BMPR2: variants seen among roughly 807,000 people sequenced by gnomAD.
BMPR2 encodes the protein bone morphogenetic protein receptor type-2.
A neutral mutation model predicts 100.8 loss-of-function variants in BMPR2; 29 were observed. That is an observed-to-expected ratio of 0.29 (90% confidence interval 0.21 to 0.39). The LOEUF is 0.39. Ranked by LOEUF, BMPR2 falls within the 10% of genes least tolerant of loss-of-function variation. The pLI, the probability that BMPR2 is intolerant of heterozygous loss-of-function variation, is 1.00. For synonymous variants in BMPR2, 382 were observed against 442.3 expected, an observed-to-expected ratio of 0.86 and a Z score of 1.71; for missense variants, 1,011 against 1,274.5, an observed-to-expected ratio of 0.79 and a Z score of 3.15.
rs1468219652 is a variant in BMPR2, at chr2:202,484,987, AAG to A, written c.418+17300_418+17301del. Among the ~76,000 whole-genome samples, 832 of 147,014 alleles carry A rather than the reference AAG, an allele frequency of 5.7e-3. 7 individuals are homozygous for A. The highest frequency in any genetic ancestry group is 0.021 in the Middle Eastern group (6 of 282). On this transcript the variant is annotated intron_variant, in intron 3 of 12. Transcript: ENST00000374580. The stretch of plus-strand genomic sequence containing the variant: ...CCGTCTCAAAAAAAAAAAAAAAAAA[AAG>A]AAAGAAAGAAGAAAAAAAATAGAGA...
In BMPR2 at chr2:202,556,405, G is replaced by C. The variant is rs775200134; in HGVS notation, c.2740G>C (p.Asp914His). ...NNNSNPCSEQ[D>H]VLAQGVPSTA... ...CAACAGCAATCCATGTTCAGAACAAGATGTTCTTGCACAGGGTGTTCCAAG... is the reference window on the plus strand; with the variant it reads ...CAACAGCAATCCATGTTCAGAACAACATGTTCTTGCACAGGGTGTTCCAAG... The change falls in exon 12 of 13, where the codon GAT becomes CAT. Residue 914 changes from aspartate to histidine, a missense_variant. Coordinates refer to ENST00000374580, the MANE Select transcript of BMPR2 (RefSeq NM_001204.7). 1 of 1,614,072 alleles carries C rather than the reference G, an allele frequency of 6.2e-7. No homozygotes were observed. The highest frequency in any genetic ancestry group is 8.5e-7 in the Non-Finnish European group (1 of 1,180,052).
At chr2:202,481,771 T>G (rs1202667336) in intron 3 of BMPR2, among the ~76,000 whole-genome samples, 1 of 152,176 alleles carries the variant, frequency 6.6e-6, no homozygotes, top group Non-Finnish European at 1.5e-5. Flanking sequence ...GTGTTTTCTG[T>G]CTTAGTCAAG....
chr2:202,565,380 T>C lies in BMPR2; in HGVS notation c.*5434T>C, dbSNP rs1688743884. The C allele has an allele frequency of 2.6e-5, 4 of 152,274 alleles. No homozygotes were observed. Among genetic ancestry groups the C allele is most frequent in the Admixed American group, 1.3e-4 (2 of 15,280 alleles). The allele number at this position is 152,274 out of a possible 1,614,324, so 9.4% of individuals were successfully genotyped here. On this transcript the variant is annotated 3_prime_UTR_variant, in exon 13 of 13. Transcript: ENST00000374580. ...AATTATATTTTCTTTTATATTCAAA[T>C]TCATTACTCCAGTTAAGTAATAGTT...
chr2:202,466,880 G>A (rs1198997591), intron 2 of BMPR2, among the ~76,000 whole-genome samples: 2 of 152,134 alleles, frequency 1.3e-5, no homozygotes, highest in Admixed American at 6.6e-5. Context: ...TTCTAGGCGT[G>A]AGCCACCGTG....
intron 3 of BMPR2, among the ~76,000 whole-genome samples, chr2:202,477,975 C>T (rs999891253): frequency 1.3e-5 from 2 of 152,084 alleles, no homozygotes; most frequent in Non-Finnish European, 1.5e-5. Flanking sequence ...TTTGTAACCC[C>T]AAAACCAATA....
In BMPR2 at chr2:202,555,572, A is replaced by G; in HGVS notation, c.1907A>G (p.Asp636Gly). 2 of 1,614,182 alleles carry G rather than the reference A, an allele frequency of 1.2e-6. No homozygotes were observed. Among genetic ancestry groups the G allele is most frequent in the Non-Finnish European group, 1.7e-6 (2 of 1,180,036 alleles). Residue 636 changes from aspartate (D) to glycine (G), a missense_variant, in exon 12 of 13, where the codon GAT (aspartate) becomes GGT (glycine). This residue lies in a region of BMPR2 where 508 missense variants were observed against 552.0 expected (regional missense o/e 0.92). Coordinates refer to ENST00000374580, the MANE Select transcript of BMPR2 (RefSeq NM_001204.7). Reference sequence around the variant, plus strand: ...ACTATATCTGAGATGCCATACCCAGATGAAACAAATCTGCATACCACAAAT... The same window carrying G: ...ACTATATCTGAGATGCCATACCCAGGTGAAACAAATCTGCATACCACAAAT... ...MTTISEMPYP[D>G]ETNLHTTNVA...
intron 1 of BMPR2, among the ~76,000 whole-genome samples, chr2:202,458,942 G>T (rs1020080591): frequency 6.6e-6 from 1 of 152,108 alleles, no homozygotes; most frequent in African/African-American, 2.4e-5. Flanking sequence ...GCAATATCTT[G>T]AAGACAGAAA....
intron 9 of BMPR2, among the ~76,000 whole-genome samples, chr2:202,535,344 C>G (rs1436973643): frequency 6.7e-6 from 1 of 149,620 alleles, no homozygotes; most frequent in Admixed American, 6.6e-5. Flanking sequence ...GGTTGCCAGG[C>G]AGAGGGTCTC....
At chr2:202,405,277 A>G (rs918391156) in intron 1 of BMPR2, among the ~76,000 whole-genome samples, 1 of 152,146 alleles carries the variant, frequency 6.6e-6, no homozygotes, top group Non-Finnish European at 1.5e-5. Context: ...TTCCTCTGCT[A>G]TCTTATTTTT....
At chr2:202,471,947 G>GATTT (rs1692447310) in intron 3 of BMPR2, among the ~76,000 whole-genome samples, 1 of 151,242 alleles carries the variant, frequency 6.6e-6, no homozygotes, top group South Asian at 2.1e-4. Flanking sequence ...TGTAGAAAGA[G>GATTT]GTAATAAAAG....
intron 1 of BMPR2, among the ~76,000 whole-genome samples, chr2:202,403,688 C>G (rs900874365): frequency 6.6e-6 from 1 of 152,072 alleles, no homozygotes; most frequent in Non-Finnish European, 1.5e-5. Flanking sequence ...GAACATTTTA[C>G]TTTATGTGGA....
Position 202,518,841 on chromosome 2 carries a change from A to T in BMPR2, c.641A>T (p.Tyr214Phe), listed in dbSNP as rs774243835. 7 of 1,614,106 alleles carry T rather than the reference A, an allele frequency of 4.3e-6. No individual in the cohort carries two copies. The South Asian group carries it at 7.7e-5, about 18-fold the overall frequency. ...KLLELIGRGR[Y>F]GAVYKGSLDE... is the part of the protein sequence containing the mutation. ...TTGCAGCTGATTGGCCGAGGTCGATATGGAGCAGTATATAAAGGCTCCTTG... is the reference window on the plus strand; with the variant it reads ...TTGCAGCTGATTGGCCGAGGTCGATTTGGAGCAGTATATAAAGGCTCCTTG... The change falls in exon 6 of 13, where the codon TAT (tyrosine) becomes TTT (phenylalanine). Residue 214 changes from tyrosine to phenylalanine, a missense_variant. By Grantham distance (22) the Tyr-to-Phe change is conservative. Transcript: ENST00000374580.
chr2:202,476,845 A>G (rs757797822), intron 3 of BMPR2, among the ~76,000 whole-genome samples: 7 of 151,956 alleles, frequency 4.6e-5, no homozygotes, highest in African/African-American at 1.2e-4. Flanking sequence ...CTAAGAATAC[A>G]CGGACAACTT....
At position 202,469,734 on chromosome 2, in the gene BMPR2, C is replaced by T. The variant is rs202023064; in HGVS notation, c.418+2045C>T. On this transcript the variant is annotated intron_variant, in intron 3 of 12. Coordinates refer to ENST00000374580, the MANE Select transcript of BMPR2 (RefSeq NM_001204.7). ...CCTCAGATGGATGATCCGCCCACCTCGGCCTCCCAAAGTGCTGAGACTACA... is the reference window on the plus strand; with the variant it reads ...CCTCAGATGGATGATCCGCCCACCTTGGCCTCCCAAAGTGCTGAGACTACA... Among the ~76,000 whole-genome samples the T allele has an allele frequency of 9.2e-5, 14 of 152,188 alleles. No individual in the cohort carries two copies. The East Asian group carries it at 2.3e-3, about 25-fold the overall frequency.
intron 1 of BMPR2, among the ~76,000 whole-genome samples, chr2:202,406,220 T>C (rs1014652608): frequency 1.3e-5 from 2 of 152,230 alleles, no homozygotes; most frequent in East Asian, 1.9e-4. Context: ...AAGGATATAA[T>C]AGGGTTCCTT....
intron 1 of BMPR2, among the ~76,000 whole-genome samples, chr2:202,404,735 A>G (rs1372691248): frequency 1.3e-5 from 2 of 152,198 alleles, no homozygotes; most frequent in Admixed American, 6.5e-5. Context: ...CATCACCCAA[A>G]TAGTAAACAT....
intron 5 of BMPR2, 69 bp from the exon 6 acceptor site, chr2:202,518,753 T>A (rs919579127): frequency 4.3e-5 from 53 of 1,238,898 alleles, no homozygotes; most frequent in Non-Finnish European, 5.8e-5. Context: ...AAATTTGTAC[T>A]TTATTATTTA....
chr2:202,534,181 TATAC>T (rs1227626118), intron 9 of BMPR2, among the ~76,000 whole-genome samples: 1 of 149,304 alleles, frequency 6.7e-6, no homozygotes, highest in African/African-American at 2.5e-5. Flanking sequence ...TGTATATATA[TATAC>T]ACACACACAC....
chr2:202,388,333 G>T (rs1444393029), intron 1 of BMPR2, among the ~76,000 whole-genome samples: 1 of 131,190 alleles, frequency 7.6e-6, no homozygotes. Flanking sequence ...GGAGATGGAG[G>T]TTGCAGTGAG....
Sources: gnomAD v4.1 joint callset for allele counts (sites outside exome capture counted in the v4.1 genomes callset) on GRCh38, gnomAD v4.1.1 for gene constraint, gnomAD v4.1.1 regional missense constraint, MANE v1.5 for transcripts, NCBI Gene and HGNC (gene_info 2026-07-23, HGNC 2026-07-21) for gene names.